Variants in AIMP1 observed in about 807,000 individuals in gnomAD.
The protein encoded by AIMP1 is aminoacyl tRNA synthase complex-interacting multifunctional protein 1.
A neutral mutation model predicts 33.1 loss-of-function variants in AIMP1; 24 were observed. That is an observed-to-expected ratio of 0.73 (90% CI 0.53 to 1.02). The LOEUF is 1.02. Among genes scored for constraint, AIMP1 ranks in the 50% least tolerant of loss-of-function variants. AIMP1 has a pLI of 0.00. For missense variants in AIMP1, 367 were observed against 364.8 expected, an observed-to-expected ratio of 1.01 and a Z score of -0.05; for synonymous variants, 120 against 121.5, an observed-to-expected ratio of 0.99 and a Z score of 0.08.
upstream of AIMP1, chr4:106,315,599 G>C (rs1182944264): frequency 6.6e-6 from 1 of 152,170 alleles, no homozygotes; most frequent in Non-Finnish European, 1.5e-5. Flanking sequence ...TAAACCTCGA[G>C]GGCCAGAAAC....
At chr4:106,323,563 G>C (rs1769347809) in intron 1 of AIMP1, among the ~76,000 whole-genome samples, 1 of 145,544 alleles carries the variant, frequency 6.9e-6, no homozygotes, top group South Asian at 2.2e-4. Flanking sequence ...GAATTGTAGA[G>C]AAAATATCTT....
intron 5 of AIMP1, among the ~76,000 whole-genome samples, chr4:106,332,969 T>G (rs2125924693): frequency 6.6e-6 from 1 of 152,196 alleles, no homozygotes; most frequent in Non-Finnish European, 1.5e-5. Context: ...TACATGAAAA[T>G]CCTGATGTCT....
Position 106,336,759 on chromosome 4 carries a change from C to T in AIMP1, c.604-110C>T. 3 of 1,100,076 alleles carry T rather than the reference C, an allele frequency of 2.7e-6. No individual in the cohort carries two copies. In the South Asian group the frequency reaches 3.8e-5, roughly 14 times the overall value. The allele number at this position is 1,100,076 out of a possible 1,614,324, so 68.1% of individuals were successfully genotyped here. ...GCACACAAAGACAAAGGTACATCCA[C>T]AAAAGTAGAACATTTGATACTTAGC... On this transcript the variant is annotated intron_variant, in intron 5 of 6. Coordinates refer to ENST00000672341, the MANE Select transcript of AIMP1 (RefSeq NM_001142416.2).
chr4:106,316,541 G>GACCTA, upstream of AIMP1: 1 of 1,551,530 alleles, frequency 6.4e-7, no homozygotes. Context: ...CGGGTGGCTG[G>GACCTA]ACCTACATGC....
At chr4:106,329,772 C>G (rs968216370) in intron 4 of AIMP1, among the ~76,000 whole-genome samples, 1 of 53,064 alleles carries the variant, frequency 1.9e-5, no homozygotes, top group Non-Finnish European at 3.8e-5. Flanking sequence ...TGCTACATAT[C>G]TTTTTTTTTT....
chr4:106,328,255 C>A lies in AIMP1; in HGVS notation c.391+12C>A, dbSNP rs1167197420. 2 of 1,592,228 alleles carry A rather than the reference C, an allele frequency of 1.3e-6. No individual in the cohort carries two copies. The highest frequency in any genetic ancestry group is 1.1e-5 in the South Asian group (1 of 89,294). On this transcript the variant is annotated intron_variant, in intron 4 of 6. Transcript: ENST00000672341. ...AATTGAAAAGAAAGGTATTTTTGAC[C>A]TTTAAGCATATTTAGCTCTTGACTG...
chr4:106,319,167 T>G (rs763034287), intron 1 of AIMP1, among the ~76,000 whole-genome samples: 31 of 152,316 alleles, frequency 2.0e-4, no homozygotes, highest in Non-Finnish European at 3.1e-4. Context: ...AAATTAAAAG[T>G]CTGCCTGTAA....
chr4:106,325,314 T>C (rs1769417125), intron 2 of AIMP1, among the ~76,000 whole-genome samples, 196 bp downstream of exon 2: 1 of 152,070 alleles, frequency 6.6e-6, no homozygotes, highest in South Asian at 2.1e-4. Context: ...ATGTATTTTA[T>C]TTTCAGTAGT....
intron 6 of AIMP1, among the ~76,000 whole-genome samples, chr4:106,345,468 T>C (rs1770260038): frequency 1.3e-5 from 2 of 152,194 alleles, no homozygotes; most frequent in Non-Finnish European, 2.9e-5. Context: ...ATAAAAATCT[T>C]ATGGATCTAA....
chr4:106,322,154 G>C (rs975616506), intron 1 of AIMP1, among the ~76,000 whole-genome samples: 1 of 152,106 alleles, frequency 6.6e-6, no homozygotes, highest in South Asian at 2.1e-4. Context: ...TGCAGAAGGC[G>C]GCAGGGCCCT....
At chr4:106,346,165 G>A (rs1770288065) in intron 6 of AIMP1, among the ~76,000 whole-genome samples, 1 of 151,824 alleles carries the variant, frequency 6.6e-6, no homozygotes, top group South Asian at 2.1e-4. Flanking sequence ...CTCAGCTATT[G>A]AACTTATATT....
At chr4:106,337,101 G>C in intron 6 of AIMP1, 64 bp downstream of exon 6, 1 of 1,413,238 alleles carries the variant, frequency 7.1e-7, no homozygotes, top group Non-Finnish European at 1.0e-6. Context: ...TGTTTGTAAT[G>C]CTTAAAGGTT....
At chr4:106,328,315 A>T in intron 4 of AIMP1, 72 bp downstream of exon 4, 1 of 1,480,892 alleles carries the variant, frequency 6.8e-7, no homozygotes, top group African/African-American at 1.4e-5. Flanking sequence ...GATAATGATA[A>T]TAATAATAGT....
intron 6 of AIMP1, among the ~76,000 whole-genome samples, chr4:106,342,904 G>C (rs1381602691): frequency 6.9e-6 from 1 of 144,490 alleles, no homozygotes; most frequent in Non-Finnish European, 1.5e-5. Flanking sequence ...CCGATCCAGG[G>C]CTTTTTTTTT....
chr4:106,323,824 A>T (rs1015086029), intron 1 of AIMP1, among the ~76,000 whole-genome samples: 1 of 152,136 alleles, frequency 6.6e-6, no homozygotes, highest in Non-Finnish European at 1.5e-5. Flanking sequence ...TAATACTAAA[A>T]TGAATGAATT....
intron 6 of AIMP1, among the ~76,000 whole-genome samples, 197 bp downstream of exon 6, chr4:106,337,234 A>G (rs1449643824): frequency 1.3e-5 from 2 of 152,150 alleles, no homozygotes; most frequent in African/African-American, 4.8e-5. Flanking sequence ...TCTCCTCCCC[A>G]TGAATGTACA....
intron 6 of AIMP1, 70 bp from the exon 7 acceptor site, chr4:106,347,456 G>A (rs1770345757): frequency 7.0e-7 from 1 of 1,419,094 alleles, no homozygotes; most frequent in East Asian, 2.4e-5. Context: ...GGAAATCTCT[G>A]TGAATAGTCT....
chr4:106,319,525 GATAAT>G (rs944709200), intron 1 of AIMP1, among the ~76,000 whole-genome samples: 2 of 152,194 alleles, frequency 1.3e-5, no homozygotes, highest in Admixed American at 1.3e-4. Flanking sequence ...GAATGATTTA[GATAAT>G]ATGTTTCAAA....
At position 106,331,873 on chromosome 4, in the gene AIMP1, C is replaced by G; in HGVS notation, c.593C>G (p.Pro198Arg). The change falls in exon 5 of 7, where the codon CCT becomes CGT. Residue 198 changes from proline (P) to arginine (R), a missense_variant. Physicochemically the swap from Pro to Arg is moderately radical, Grantham distance 103. Transcript: ENST00000672341. ...GTCAGTGGCCTGGTGAATCATGTTC[C>G]TCTTGAACAGGTAATCTGTACAACT... ...TVVSGLVNHV[P>R]LEQMQNRMVI... 1 of 1,613,894 alleles carries G rather than the reference C, an allele frequency of 6.2e-7. No individual in the cohort carries two copies. The highest frequency in any genetic ancestry group is 8.5e-7 in the Non-Finnish European group (1 of 1,179,844).
Sources: gnomAD v4.1 joint callset for allele counts (sites outside exome capture counted in the v4.1 genomes callset) on GRCh38, gnomAD v4.1.1 for gene constraint, MANE v1.5 for transcripts, NCBI Gene and HGNC (gene_info 2026-07-23, HGNC 2026-07-21) for gene names.